The following HS6ST1 variants were observed in gnomAD, a reference collection of about 807,000 sequenced individuals.
HS6ST1 encodes heparan-sulfate 6-O-sulfotransferase 1.
Under a neutral mutation model 25.2 loss-of-function variants are expected in HS6ST1, and 3 were observed. That is an observed-to-expected ratio of 0.12 (90% CI 0.05 to 0.31). The LOEUF (loss-of-function observed/expected upper bound fraction) is 0.31. HS6ST1 is among the 10% of genes least tolerant of loss of function. HS6ST1 has a pLI of 1.00. For synonymous variants in HS6ST1, 204 were observed against 275.1 expected, an observed-to-expected ratio of 0.74 and a Z score of 2.56; for missense variants, 310 against 609.6, an observed-to-expected ratio of 0.51 and a Z score of 5.18.
intron 1 of HS6ST1, among the ~76,000 whole-genome samples, chr2:128,291,285 G>A (rs529606201): frequency 9.8e-5 from 15 of 152,370 alleles, no homozygotes; most frequent in Admixed American, 5.9e-4. Flanking sequence ...CCGGAGTCCC[G>A]GCATGGGGGA....
At chr2:128,279,480 C>A (rs898193971) in intron 1 of HS6ST1, among the ~76,000 whole-genome samples, 10 of 152,124 alleles carry the variant, frequency 6.6e-5, no homozygotes, top group Non-Finnish European at 8.8e-5. Flanking sequence ...CACATTCTAG[C>A]CCCCAAGGAC....
intron 1 of HS6ST1, among the ~76,000 whole-genome samples, chr2:128,299,926 G>A (rs575886470): frequency 1.2e-4 from 18 of 152,190 alleles, no homozygotes; most frequent in Non-Finnish European, 2.1e-4. Flanking sequence ...CAGCAAGGCA[G>A]GGTGGCTCTG....
At position 128,312,288 on chromosome 2, in the gene HS6ST1, G is replaced by A. The variant is rs1694303629; in HGVS notation, c.527+5749C>T. ...ATGCTAGCTCCTGGCCCTCCAGGCT[G>A]AGGGACTGACACATTCTCCACCTTC... On this transcript the variant is annotated intron_variant, in intron 1 of 1. Coordinates refer to ENST00000259241, the MANE Select transcript of HS6ST1 (RefSeq NM_004807.3). Among the ~76,000 whole-genome samples the A allele has an allele frequency of 1.3e-5, 2 of 152,238 alleles. 1 individual carries two copies. The highest frequency in any genetic ancestry group is 4.1e-4 in the South Asian group (2 of 4,830).
At chr2:128,312,675 C>T (rs937457699) in intron 1 of HS6ST1, among the ~76,000 whole-genome samples, 2 of 152,238 alleles carry the variant, frequency 1.3e-5, no homozygotes, top group South Asian at 4.1e-4. Context: ...CATAGATGGG[C>T]CACCCCAAGG....
chr2:128,280,247 G>A (rs1325539205), intron 1 of HS6ST1, among the ~76,000 whole-genome samples: 1 of 152,252 alleles, frequency 6.6e-6, no homozygotes, highest in Non-Finnish European at 1.5e-5. Context: ...AAGCCGCTGA[G>A]CGCCCCACTT....
intron 1 of HS6ST1, among the ~76,000 whole-genome samples, chr2:128,315,858 A>G (rs1185731410): frequency 6.6e-6 from 1 of 152,254 alleles, no homozygotes; most frequent in East Asian, 1.9e-4. Context: ...TGCCTGCAAC[A>G]GAACTGAAGG....
At chr2:128,301,709 T>C (rs936375751) in intron 1 of HS6ST1, among the ~76,000 whole-genome samples, 1 of 152,128 alleles carries the variant, frequency 6.6e-6, no homozygotes, top group African/African-American at 2.4e-5. Flanking sequence ...CAGCCCCTGG[T>C]CAACCCTGGG....
At chr2:128,275,034 G>T (rs1693672903) in intron 1 of HS6ST1, among the ~76,000 whole-genome samples, 1 of 149,892 alleles carries the variant, frequency 6.7e-6, no homozygotes, top group African/African-American at 2.5e-5. Flanking sequence ...TGACACAACT[G>T]AGCATTTGGT....
At chr2:128,280,694 G>C (rs892665392) in intron 1 of HS6ST1, among the ~76,000 whole-genome samples, 2 of 151,924 alleles carry the variant, frequency 1.3e-5, no homozygotes, top group African/African-American at 4.8e-5. Context: ...AGAGTAGTCA[G>C]ATTTTTTTTT....
intron 1 of HS6ST1, among the ~76,000 whole-genome samples, chr2:128,312,739 G>A (rs375490522): frequency 6.6e-6 from 1 of 152,066 alleles, no homozygotes; most frequent in African/African-American, 2.4e-5. Flanking sequence ...AGCACTTTTC[G>A]GTGATTTAAG....
chr2:128,281,523 G>A (rs1693785956), intron 1 of HS6ST1, among the ~76,000 whole-genome samples: 1 of 152,240 alleles, frequency 6.6e-6, no homozygotes, highest in Admixed American at 6.5e-5. Context: ...GAAAGCGGAT[G>A]TGACCGCGGA....
chr2:128,269,974 T>A (rs1693587896), intron 1 of HS6ST1, among the ~76,000 whole-genome samples: 1 of 152,200 alleles, frequency 6.6e-6, no homozygotes, highest in Non-Finnish European at 1.5e-5. Flanking sequence ...CTGCCTGATC[T>A]GACCGCACAC....
In HS6ST1 at chr2:128,265,833, C is replaced by G. The variant is rs1248653368; in HGVS notation, c.*2329G>C. On this transcript the variant is annotated 3_prime_UTR_variant, in exon 2 of 2. Transcript: ENST00000259241. Reference sequence around the variant, plus strand: ...TCCGTCCTCACAGCCCTGGGAGGGCCCCGGTGGACAGAGTCCTTACAATTT... The same window carrying G: ...TCCGTCCTCACAGCCCTGGGAGGGCGCCGGTGGACAGAGTCCTTACAATTT... 1 of 152,204 alleles carries G rather than the reference C, an allele frequency of 6.6e-6. No homozygotes were observed. Among genetic ancestry groups the G allele is most frequent in the Non-Finnish European group, 1.5e-5 (1 of 68,052 alleles). 9.4% of individuals were successfully genotyped at this position (152,204 alleles called of 1,614,324 possible). A position where few individuals can be genotyped will look rare whatever the true frequency, so the allele number is the denominator to read the frequency against.
At chr2:128,306,724 G>A (rs1573708259) in intron 1 of HS6ST1, among the ~76,000 whole-genome samples, 1 of 152,092 alleles carries the variant, frequency 6.6e-6, no homozygotes, top group East Asian at 1.9e-4. Context: ...ACATTCCAAG[G>A]CTGGGATGAT....
chr2:128,309,501 G>A (rs1694258423), intron 1 of HS6ST1, among the ~76,000 whole-genome samples: 2 of 152,232 alleles, frequency 1.3e-5, no homozygotes, highest in South Asian at 4.1e-4. Context: ...CCTGTCACAG[G>A]GAGATAACAG....
chr2:128,271,158 G>A (rs561797431), intron 1 of HS6ST1, among the ~76,000 whole-genome samples: 1 of 152,346 alleles, frequency 6.6e-6, no homozygotes, highest in African/African-American at 2.4e-5. Flanking sequence ...GACCTGCAGA[G>A]CAAGCTGCCC....
intron 1 of HS6ST1, among the ~76,000 whole-genome samples, chr2:128,282,132 C>T (rs1313443907): frequency 6.6e-6 from 1 of 152,256 alleles, no homozygotes; most frequent in Non-Finnish European, 1.5e-5. Context: ...TGACTACTGC[C>T]CAAACCATGG....
chr2:128,300,693 C>A (rs1451973269), intron 1 of HS6ST1, among the ~76,000 whole-genome samples: 1 of 152,190 alleles, frequency 6.6e-6, no homozygotes, highest in Non-Finnish European at 1.5e-5. Flanking sequence ...GACGAGGATG[C>A]CCAGGACTGG....
intron 1 of HS6ST1, among the ~76,000 whole-genome samples, chr2:128,281,631 C>T (rs544451315): frequency 1.4e-4 from 21 of 152,168 alleles, no homozygotes; most frequent in African/African-American, 5.1e-4. Context: ...GTTCCACCAG[C>T]CTGGTCTGCT....
Sources: gnomAD v4.1 joint callset for allele counts (sites outside exome capture counted in the v4.1 genomes callset) on GRCh38, gnomAD v4.1.1 for gene constraint, MANE v1.5 for transcripts, NCBI Gene and HGNC (gene_info 2026-07-23, HGNC 2026-07-21) for gene names.